Variants in CDH7 observed in about 807,000 individuals in gnomAD.
CDH7 encodes cadherin-7.
A neutral mutation model predicts 71.8 loss-of-function variants in CDH7; 25 were observed. The ratio of observed to expected loss-of-function variants is 0.35; its 90% CI spans 0.25 to 0.49. CDH7 has a LOEUF of 0.49. Ranked by LOEUF, CDH7 falls within the 20% of genes least tolerant of loss-of-function variation. The pLI, the probability that CDH7 is intolerant of heterozygous loss-of-function variation, is 0.99. For missense variants in CDH7, 862 were observed against 974.6 expected, an observed-to-expected ratio of 0.88 and a Z score of 1.54; for synonymous variants, 381 against 363.8, an observed-to-expected ratio of 1.05 and a Z score of -0.54.
intron 1 of CDH7, among the ~76,000 whole-genome samples, chr18:65,757,478 ACTT>A (rs1456475567): frequency 6.6e-6 from 1 of 152,142 alleles, no homozygotes; most frequent in Admixed American, 6.5e-5. Context: ...TCACAGTACT[ACTT>A]GTGATTTTCA....
intron 7 of CDH7, among the ~76,000 whole-genome samples, chr18:65,851,753 C>T (rs762419868): frequency 6.6e-6 from 1 of 152,164 alleles, no homozygotes; most frequent in African/African-American, 2.4e-5. Flanking sequence ...AAAACTTTCT[C>T]ATTGAACAAA....
At chr18:65,783,304 A>G (rs1910381321) in intron 2 of CDH7, among the ~76,000 whole-genome samples, 1 of 152,258 alleles carries the variant, frequency 6.6e-6, no homozygotes, top group Middle Eastern at 3.2e-3. Flanking sequence ...AAGGTAAATT[A>G]ACAGAAAGAT....
intron 6 of CDH7, among the ~76,000 whole-genome samples, chr18:65,829,033 C>A (rs1912233869): frequency 6.6e-6 from 1 of 152,126 alleles, no homozygotes; most frequent in Non-Finnish European, 1.5e-5. Flanking sequence ...ATTTACCATT[C>A]TGAGACAGAA....
chr18:65,772,407 A>G (rs1337238142), intron 2 of CDH7, among the ~76,000 whole-genome samples: 1 of 152,164 alleles, frequency 6.6e-6, no homozygotes, highest in African/African-American at 2.4e-5. Context: ...TCCCTGACGC[A>G]GTTTACATAA....
At position 65,887,313 on chromosome 18, in the gene CDH7, T is replaced by G. The variant is rs1279957922; in HGVS notation, c.*6419T>G. Reference sequence around the variant, plus strand: ...TAAGTTTTAGGGTACATGTGCACAATGTGCAGGTTAGTTACATATGTATAC... The same window carrying G: ...TAAGTTTTAGGGTACATGTGCACAAGGTGCAGGTTAGTTACATATGTATAC... On this transcript the variant is annotated 3_prime_UTR_variant, in exon 12 of 12. Transcript: ENST00000397968. 2.0e-5 allele frequency: 3 copies of G among 152,024 alleles called. No individual in the cohort carries two copies. Among genetic ancestry groups the G allele is most frequent in the African/African-American group, 7.2e-5 (3 of 41,394 alleles). 9.4% of individuals were successfully genotyped at this position (152,024 alleles called of 1,614,324 possible).
chr18:65,758,639 C>T (rs1333911787), intron 1 of CDH7, among the ~76,000 whole-genome samples: 1 of 152,174 alleles, frequency 6.6e-6, no homozygotes, highest in African/African-American at 2.4e-5. Context: ...TCTGATAGAA[C>T]TTGGATCAAG....
intron 4 of CDH7, among the ~76,000 whole-genome samples, chr18:65,820,163 A>G (rs1191123081): frequency 6.7e-6 from 1 of 149,652 alleles, no homozygotes; most frequent in Non-Finnish European, 1.5e-5. Context: ...AACATGGATT[A>G]TAAATAAATG....
At chr18:65,878,665 T>C (rs1375335351) in intron 11 of CDH7, among the ~76,000 whole-genome samples, 1 of 152,178 alleles carries the variant, frequency 6.6e-6, no homozygotes, top group Non-Finnish European at 1.5e-5. Flanking sequence ...ATTGTGATTT[T>C]TGCTATTACC....
intron 2 of CDH7, among the ~76,000 whole-genome samples, chr18:65,776,542 A>G (rs955904318): frequency 5.9e-5 from 9 of 152,292 alleles, no homozygotes; most frequent in Admixed American, 5.2e-4. Flanking sequence ...TTAGGATTCT[A>G]CTGAAGAAAA....
chr18:65,801,085 C>A lies in CDH7; in HGVS notation c.211-8619C>A, dbSNP rs115730826. Among the ~76,000 whole-genome samples, 1,086 of 152,288 alleles carry A rather than the reference C, an allele frequency of 7.1e-3. 12 individuals carry two copies. The highest frequency in any genetic ancestry group is 0.025 in the African/African-American group (1,042 of 41,538). Reference sequence around the variant, plus strand: ...TTCAACTTTCTACACTGATAGCATACCCCACTGTAAGCTCATGAAGGCGGG... The same window carrying A: ...TTCAACTTTCTACACTGATAGCATAACCCACTGTAAGCTCATGAAGGCGGG... On this transcript the variant is annotated intron_variant, in intron 2 of 11. Transcript: ENST00000397968.
intron 11 of CDH7, among the ~76,000 whole-genome samples, chr18:65,869,643 C>T (rs7242044): frequency 0.54 from 79,806 of 146,850 alleles, 25,111 homozygotes; most frequent in East Asian, 0.92. Flanking sequence ...TAATACCTTG[C>T]ATCTAGCAGT....
intron 2 of CDH7, among the ~76,000 whole-genome samples, chr18:65,786,072 C>G (rs1026724649): frequency 6.6e-6 from 1 of 152,134 alleles, no homozygotes; most frequent in African/African-American, 2.4e-5. Context: ...TTGATCTGAG[C>G]TAGAGCTGCC....
intron 2 of CDH7, among the ~76,000 whole-genome samples, chr18:65,785,241 A>G (rs1373027507): frequency 6.6e-6 from 1 of 151,988 alleles, no homozygotes; most frequent in East Asian, 1.9e-4. Context: ...TATGTCATAT[A>G]TATATATATT....
At chr18:65,823,406 C>T (rs1011511896) in intron 5 of CDH7, among the ~76,000 whole-genome samples, 1 of 151,642 alleles carries the variant, frequency 6.6e-6, no homozygotes, top group Non-Finnish European at 1.5e-5. Context: ...TTTGTTTAAG[C>T]CTAGATTGAT....
chr18:65,890,138 C>T lies in CDH7; in HGVS notation c.*9244C>T, dbSNP rs1039569923. 9 of 152,084 alleles carry T rather than the reference C, an allele frequency of 5.9e-5. No homozygotes were observed. Among genetic ancestry groups the T allele is most frequent in the African/African-American group, 2.2e-4 (9 of 41,392 alleles). The allele number at this position is 152,084 out of a possible 1,614,324, so 9.4% of individuals were successfully genotyped here. A position where few individuals can be genotyped will look rare whatever the true frequency, so the allele number is the denominator to read the frequency against. ...CACCTGAAGCCTCCTATGCCACTAT[C>T]TTTATAGGAAGCTTTACCGACTTTG... On this transcript the variant is annotated 3_prime_UTR_variant, in exon 12 of 12. Transcript: ENST00000397968.
intron 6 of CDH7, among the ~76,000 whole-genome samples, chr18:65,842,608 A>G (rs1383156019): frequency 2.0e-5 from 3 of 151,974 alleles, no homozygotes; most frequent in Non-Finnish European, 4.4e-5. Flanking sequence ...GTATGTGTAT[A>G]TACATCCTAT....
intron 2 of CDH7, among the ~76,000 whole-genome samples, chr18:65,802,123 A>T (rs916102648): frequency 6.6e-6 from 1 of 152,280 alleles, no homozygotes; most frequent in Admixed American, 6.5e-5. Flanking sequence ...GAAGCATTCA[A>T]AAGAGTTTTC....
Position 65,822,226 on chromosome 18 carries a change from T to C in CDH7, c.771T>C (p.Asp257=). ...CTGTGACCCTAACTGATGTCAACGA[T>C]AATCCACCTCGCTTTCCTCGAAGTA... is the stretch of plus-strand genomic sequence containing the variant. ...SVTVTLTDVN[D]NPPRFPRRSY... is the part of the protein sequence containing the mutation. The change falls in exon 5 of 12, where the codon GAT becomes GAC. Residue 257 remains aspartate, a synonymous_variant. Coordinates refer to ENST00000397968, the MANE Select transcript of CDH7 (RefSeq NM_004361.5). The C allele has an allele frequency of 6.2e-7, 1 of 1,610,574 alleles. No homozygotes were observed. The highest frequency in any genetic ancestry group is 2.2e-5 in the East Asian group (1 of 44,760).
chr18:65,787,180 A>G (rs567385252), intron 2 of CDH7, among the ~76,000 whole-genome samples: 2 of 152,328 alleles, frequency 1.3e-5, no homozygotes, highest in South Asian at 2.1e-4. Flanking sequence ...TAACATTTCA[A>G]TAGATTTCAT....
Sources: gnomAD v4.1 joint callset for allele counts (sites outside exome capture counted in the v4.1 genomes callset) on GRCh38, gnomAD v4.1.1 for gene constraint, MANE v1.5 for transcripts, NCBI Gene and HGNC (gene_info 2026-07-23, HGNC 2026-07-21) for gene names.